GRIN2A: variants seen among roughly 807,000 people sequenced by gnomAD.
GRIN2A encodes the protein glutamate ionotropic receptor NMDA type subunit 2A, also known as glutamate receptor ionotropic, NMDA 2A.
In GRIN2A, 22 loss-of-function variants were observed where a neutral mutation model predicts 113.4. That is an observed-to-expected ratio of 0.19 (90% CI 0.14 to 0.28). The LOEUF (loss-of-function observed/expected upper bound fraction) is 0.28. GRIN2A is among the 10% of genes least tolerant of loss of function. GRIN2A has a pLI of 1.00. For missense variants in GRIN2A, 1,502 were observed against 1,887.0 expected, an observed-to-expected ratio of 0.80 and a Z score of 3.78; for synonymous variants, 827 against 738.4, an observed-to-expected ratio of 1.12 and a Z score of -1.94.
At chr16:10,170,734 G>A (rs541612011) in intron 2 of GRIN2A, among the ~76,000 whole-genome samples, 28 of 152,066 alleles carry the variant, frequency 1.8e-4, no homozygotes, top group Admixed American at 1.0e-3. Context: ...AAAATTAGCC[G>A]GATATCATGG....
At chr16:10,105,433 T>A (rs1188354976) in intron 2 of GRIN2A, among the ~76,000 whole-genome samples, 1 of 151,254 alleles carries the variant, frequency 6.6e-6, no homozygotes, top group East Asian at 1.9e-4. Context: ...GGCAGTAGAA[T>A]CAGCTGACCC....
At chr16:10,108,297 A>T (rs749119707) in intron 2 of GRIN2A, among the ~76,000 whole-genome samples, 15 of 152,222 alleles carry the variant, frequency 9.9e-5, no homozygotes, top group Non-Finnish European at 1.8e-4. Flanking sequence ...TTTTGAAACC[A>T]TTGGATCTCA....
chr16:9,922,992 A>G (rs1298668544), intron 3 of GRIN2A, among the ~76,000 whole-genome samples: 1 of 152,172 alleles, frequency 6.6e-6, no homozygotes, highest in East Asian at 1.9e-4. Flanking sequence ...AGCAAATATT[A>G]GGTCAACTTG....
intron 11 of GRIN2A, among the ~76,000 whole-genome samples, chr16:9,796,441 A>G (rs1212754410): frequency 6.6e-6 from 1 of 152,242 alleles, no homozygotes; most frequent in African/African-American, 2.4e-5. Flanking sequence ...ATTCTTCAGC[A>G]TACTCTCAGT....
At chr16:9,927,009 C>G (rs553983942) in intron 3 of GRIN2A, among the ~76,000 whole-genome samples, 13 of 151,900 alleles carry the variant, frequency 8.6e-5, no homozygotes, top group African/African-American at 2.4e-4. Flanking sequence ...CCAAAGGAAA[C>G]TGGATTTAAC....
At chr16:9,843,543 C>G (rs2042719742) in intron 5 of GRIN2A, among the ~76,000 whole-genome samples, 1 of 152,184 alleles carries the variant, frequency 6.6e-6, no homozygotes, top group Non-Finnish European at 1.5e-5. Flanking sequence ...ATGACACCTG[C>G]TTATCAATGC....
At chr16:10,092,864 T>C (rs1279986980) in intron 2 of GRIN2A, among the ~76,000 whole-genome samples, 1 of 93,518 alleles carries the variant, frequency 1.1e-5, no homozygotes, top group Non-Finnish European at 2.6e-5. Flanking sequence ...AAAGTTGCTT[T>C]TTTTTTTTTT....
intron 10 of GRIN2A, among the ~76,000 whole-genome samples, chr16:9,800,676 A>T (rs962625190): frequency 6.6e-6 from 1 of 152,182 alleles, no homozygotes; most frequent in Admixed American, 6.5e-5. Flanking sequence ...TGAAGCTTTG[A>T]TCTCAAGGTA....
At chr16:10,035,940 T>G (rs1300091884) in intron 2 of GRIN2A, among the ~76,000 whole-genome samples, 1 of 152,136 alleles carries the variant, frequency 6.6e-6, no homozygotes, top group Non-Finnish European at 1.5e-5. Context: ...GCCAGGCTGG[T>G]CTCGAACTCC....
chr16:9,914,761 T>C (rs1205749664), intron 3 of GRIN2A, among the ~76,000 whole-genome samples: 1 of 151,810 alleles, frequency 6.6e-6, no homozygotes, highest in African/African-American at 2.4e-5. Context: ...ATAGCAGCAG[T>C]TAGACAAGCC....
chr16:9,765,096 T>C, intron 12 of GRIN2A, 148 bp from the exon 13 acceptor site: 1 of 988,138 alleles, frequency 1.0e-6, no homozygotes, highest in Admixed American at 1.9e-5. Flanking sequence ...ATCCTGATAA[T>C]GTCTCTTAAA....
intron 4 of GRIN2A, among the ~76,000 whole-genome samples, chr16:9,875,263 C>T (rs1567363834): frequency 6.6e-6 from 1 of 152,010 alleles, no homozygotes. Context: ...GGGTAATTAT[C>T]TCAAGGTACA....
intron 3 of GRIN2A, among the ~76,000 whole-genome samples, chr16:9,928,449 AT>A (rs2044514320): frequency 6.6e-6 from 1 of 152,160 alleles, no homozygotes; most frequent in Non-Finnish European, 1.5e-5. Context: ...GGTAGAAAGG[AT>A]TTTTAACTTT....
intron 2 of GRIN2A, among the ~76,000 whole-genome samples, chr16:9,993,831 G>T (rs1389053248): frequency 1.3e-5 from 2 of 152,144 alleles, no homozygotes; most frequent in African/African-American, 4.8e-5. Context: ...AGAGATCCCA[G>T]GTCCATCATG....
chr16:10,066,798 G>T (rs1231360957), intron 2 of GRIN2A, among the ~76,000 whole-genome samples: 3 of 152,108 alleles, frequency 2.0e-5, no homozygotes, highest in African/African-American at 7.2e-5. Context: ...TAGGCACTTG[G>T]GAAATGTCAC....
At chr16:10,062,681 A>G (rs1033683951) in intron 2 of GRIN2A, among the ~76,000 whole-genome samples, 2 of 152,126 alleles carry the variant, frequency 1.3e-5, no homozygotes, top group Non-Finnish European at 2.9e-5. Context: ...CCTGGCCAAC[A>G]TGGCAAAACT....
At position 9,764,960 on chromosome 16, in the gene GRIN2A, C is replaced by T. The variant is rs201462265; in HGVS notation, c.2596-12G>A. On this transcript the variant is annotated splice_polypyrimidine_tract_variant and intron_variant, in intron 12 of 12. Transcript: ENST00000330684. ...CAGCTGTAGATGCCCTGTAGGGGAGCAACATAAAGCACTGTCAGCAGCAGC... is the reference window on the plus strand; with the variant it reads ...CAGCTGTAGATGCCCTGTAGGGGAGTAACATAAAGCACTGTCAGCAGCAGC... 3 of 1,613,724 alleles carry T rather than the reference C, an allele frequency of 1.9e-6. No homozygotes were observed. Among genetic ancestry groups the T allele is most frequent in the East Asian group, 2.2e-5 (1 of 44,892 alleles).
rs1376865696 is a variant in GRIN2A, at chr16:9,763,617, C to G, written c.3927G>C (p.Arg1309=). Reference sequence around the variant, plus strand: ...GTTCCCTGTCCTTGAGGCTTATGCTCCGGGAGGGCCTGCTAAGGTCTAGCT... The same window carrying G: ...GTTCCCTGTCCTTGAGGCTTATGCTGCGGGAGGGCCTGCTAAGGTCTAGCT... The part of the protein sequence containing the change: ...PRELDLSRPS[R]SISLKDRERL... Residue 1309 remains arginine, a synonymous_variant, in exon 13 of 13, where the codon CGG becomes CGC. Coordinates refer to ENST00000330684, the MANE Select transcript of GRIN2A (RefSeq NM_001134407.3). The G allele has an allele frequency of 1.2e-6, 2 of 1,613,316 alleles. No homozygotes were observed. The highest frequency in any genetic ancestry group is 1.7e-6 in the Non-Finnish European group (2 of 1,180,012).
intron 4 of GRIN2A, among the ~76,000 whole-genome samples, chr16:9,864,252 T>C (rs9939815): frequency 0.38 from 57,936 of 151,776 alleles, 12,471 homozygotes; most frequent in African/African-American, 0.59. Flanking sequence ...TTAAGAAGTT[T>C]TTTTTCCCTC....
Sources: allele counts gnomAD v4.1 joint callset (sites outside exome capture counted in the v4.1 genomes callset), GRCh38; gene constraint gnomAD v4.1.1; transcripts MANE v1.5; gene names NCBI Gene and HGNC (gene_info 2026-07-23, HGNC 2026-07-21).